The following HHIPL2 variants were observed in gnomAD, a reference collection of about 807,000 sequenced individuals.
HHIPL2 encodes the protein HHIP-like protein 2.
A neutral mutation model predicts 61.0 loss-of-function variants in HHIPL2; 61 were observed. The ratio of observed to expected loss-of-function variants is 1.00; its 90% CI spans 0.81 to 1.24. The LOEUF is 1.24. Among genes scored for constraint, HHIPL2 ranks in the 50% most tolerant of loss-of-function variants. HHIPL2 has a pLI of 0.00. For synonymous variants in HHIPL2, 343 were observed against 357.4 expected (o/e 0.96, Z 0.45); for missense variants, 885 against 910.2 (o/e 0.97, Z 0.36).
intron 5 of HHIPL2, among the ~76,000 whole-genome samples, chr1:222,536,868 A>T (rs1659310762): frequency 6.6e-6 from 1 of 151,920 alleles, no homozygotes; most frequent in African/African-American, 2.4e-5. Flanking sequence ...TAGGCAACAT[A>T]GTAAGACTCC....
chr1:222,523,500 T>A (rs993717049), intron 8 of HHIPL2, 112 bp downstream of exon 8: 1 of 954,818 alleles, frequency 1.0e-6, no homozygotes, highest in African/African-American at 1.6e-5. Context: ...TAGACTTAGT[T>A]TCCCTCAGGG....
intron 7 of HHIPL2, among the ~76,000 whole-genome samples, chr1:222,525,540 C>A (rs1020740722): frequency 2.0e-5 from 3 of 152,164 alleles, no homozygotes; most frequent in African/African-American, 7.2e-5. Flanking sequence ...AGCTGGCCCC[C>A]CCAAGCCCTA....
At chr1:222,547,600 C>A in intron 1 of HHIPL2, 124 bp downstream of exon 1, 1 of 821,428 alleles carries the variant, frequency 1.2e-6, no homozygotes, top group South Asian at 1.7e-5. Flanking sequence ...GCCGGCAGCT[C>A]CAAGATGAGG....
intron 5 of HHIPL2, among the ~76,000 whole-genome samples, chr1:222,532,574 A>T (rs1187661554): frequency 1.3e-5 from 2 of 151,224 alleles, no homozygotes; most frequent in Admixed American, 1.3e-4. Flanking sequence ...AGATCATGCC[A>T]CTGCACACTC....
At chr1:222,528,499 C>T (rs138901558) in intron 6 of HHIPL2, among the ~76,000 whole-genome samples, 2 of 152,074 alleles carry the variant, frequency 1.3e-5, no homozygotes, top group Middle Eastern at 3.4e-3. Context: ...CCCAGCTATG[C>T]GGGAGGCTGA....
Position 222,544,106 on chromosome 1 carries a change from A to C in HHIPL2, c.405T>G (p.Asp135Glu). 6.2e-7 allele frequency: 1 copy of C among 1,614,118 alleles called. No homozygotes were observed. Among genetic ancestry groups the C allele is most frequent in the Non-Finnish European group, 8.5e-7 (1 of 1,180,034 alleles). Residue 135 changes from aspartate (D) to glutamate (E), a missense_variant, in exon 2 of 9, where the codon GAT becomes GAG. By Grantham distance (45) the Asp-to-Glu change is conservative. Transcript: ENST00000343410. ...PLRNLPGLCS[D>E]YCSAFHSNCH... ...AGTTAGAATGGAAGGCAGAGCAGTA[A>C]TCAGAGCAGAGGCCCGGGAGATTCC...
rs183925068 is a variant in HHIPL2, at chr1:222,542,665, G to A, written c.975-510C>T. On this transcript the variant is annotated intron_variant, in intron 2 of 8. Coordinates refer to ENST00000343410, the MANE Select transcript of HHIPL2 (RefSeq NM_024746.4). ...CCTGCCTCGGCCTCCTGAGTAGCTG[G>A]GACTACAGGCATGTGCCACCATGCC... Among the ~76,000 whole-genome samples, 14 of 151,920 alleles carry A rather than the reference G, an allele frequency of 9.2e-5. No individual in the cohort carries two copies. In the East Asian group the frequency reaches 2.7e-3, roughly 29 times the overall value.
Position 222,541,994 on chromosome 1 carries a change from G to A in HHIPL2, c.1118+18C>T, listed in dbSNP as rs534585825. On this transcript the variant is annotated intron_variant, in intron 3 of 8. Coordinates refer to ENST00000343410, the MANE Select transcript of HHIPL2 (RefSeq NM_024746.4). Reference sequence around the variant, plus strand: ...GCTCACTCTGAAGGGACAAGGGCCCGGCCCCCATCCAGCTTACTTGTTCTG... The same window carrying A: ...GCTCACTCTGAAGGGACAAGGGCCCAGCCCCCATCCAGCTTACTTGTTCTG... The A allele has an allele frequency of 6.1e-5, 97 of 1,589,756 alleles. No homozygotes were observed. The East Asian group carries it at 1.6e-3, about 26-fold the overall frequency.
intron 5 of HHIPL2, among the ~76,000 whole-genome samples, chr1:222,536,926 C>T (rs1057228195): frequency 1.3e-5 from 2 of 151,924 alleles, no homozygotes; most frequent in Non-Finnish European, 2.9e-5. Context: ...GTGCCACAAG[C>T]TACTGGGGAG....
intron 3 of HHIPL2, among the ~76,000 whole-genome samples, chr1:222,540,790 CTG>C (rs1659416072): frequency 6.6e-6 from 1 of 152,228 alleles, no homozygotes; most frequent in Admixed American, 6.5e-5. Context: ...CTGCCAATGA[CTG>C]TGGTCTCTGG....
In HHIPL2 at chr1:222,543,900, C is replaced by A; in HGVS notation, c.611G>T (p.Cys204Phe). Residue 204 changes from cysteine (C) to phenylalanine (F), a missense_variant, in exon 2 of 9, where the codon TGC becomes TTC. Physicochemically the swap from Cys to Phe is radical, Grantham distance 205. Coordinates refer to ENST00000343410, the MANE Select transcript of HHIPL2 (RefSeq NM_024746.4). ...CACCTCGCTCAGGCAGAGCTGCAGG[C>A]AGCCCTGAGGATCTTGGGCCACCAT... is the stretch of plus-strand genomic sequence containing the variant. ...LGMVAQDPQG[C>F]LQLCLSEVAN... The A allele has an allele frequency of 9.3e-6, 15 of 1,614,214 alleles. No homozygotes were observed. Among genetic ancestry groups the A allele is most frequent in the Middle Eastern group, 1.6e-4 (1 of 6,062 alleles).
At chr1:222,522,953 T>C in intron 8 of HHIPL2, 66 bp from the exon 9 acceptor site, 1 of 1,295,516 alleles carries the variant, frequency 7.7e-7, no homozygotes, top group Non-Finnish European at 1.1e-6. Flanking sequence ...GAGAAAACTA[T>C]AACTGCATTA....
At position 222,532,101 on chromosome 1, in the gene HHIPL2, C is replaced by G. The variant is rs201771052; in HGVS notation, c.1588G>C (p.Ala530Pro). The change falls in exon 6 of 9, where the codon GCT (alanine) becomes CCT (proline). Residue 530 changes from alanine to proline, a missense_variant. Transcript: ENST00000343410. ...TTGTTTTTTCTATCTTCCTGCAAAG[C>G]CATAAGTCGACTAGACAAAAAATAA... ...FGDFMSGRLMALQEDRKNKKW... is the reference protein window; with the variant it reads ...FGDFMSGRLMPLQEDRKNKKW... 8.7e-6 allele frequency: 14 copies of G among 1,612,712 alleles called. No homozygotes were observed. The East Asian group carries it at 2.7e-4, about 31-fold the overall frequency.
chr1:222,547,142 A>G (rs982076277), intron 1 of HHIPL2, among the ~76,000 whole-genome samples: 1 of 152,234 alleles, frequency 6.6e-6, no homozygotes, highest in Non-Finnish European at 1.5e-5. Flanking sequence ...AACCAGGAGA[A>G]GCAGAAACTC....
chr1:222,533,460 T>C (rs1012108948), intron 5 of HHIPL2, among the ~76,000 whole-genome samples: 2 of 151,984 alleles, frequency 1.3e-5, no homozygotes, highest in African/African-American at 4.8e-5. Context: ...GAGTGGAGGT[T>C]GTAGGGAGAA....
At chr1:222,542,606 C>T (rs1659456826) in intron 2 of HHIPL2, among the ~76,000 whole-genome samples, 1 of 141,694 alleles carries the variant, frequency 7.1e-6, no homozygotes, top group Non-Finnish European at 1.5e-5. Context: ...TCTTGGCTCA[C>T]TGCAACTTCT....
rs965659582 is a variant in HHIPL2 at position 222,529,294 on chromosome 1, T to C, written c.1724-2244A>G. ...TCCCCATGTAAGAGATCTGATGAAC[T>C]AGGGCACACCCTCCTTTAGAGTCAG... On this transcript the variant is annotated intron_variant, in intron 6 of 8. Transcript: ENST00000343410. Among the ~76,000 whole-genome samples, 6 of 152,312 alleles carry C rather than the reference T, an allele frequency of 3.9e-5. No individual in the cohort carries two copies. In the South Asian group the frequency reaches 1.0e-3, roughly 26 times the overall value.
At chr1:222,529,483 G>A (rs1346026938) in intron 6 of HHIPL2, among the ~76,000 whole-genome samples, 1 of 152,124 alleles carries the variant, frequency 6.6e-6, no homozygotes, top group African/African-American at 2.4e-5. Context: ...TGCCTATACT[G>A]GACTGCAGTT....
chr1:222,543,030 G>A (rs1659469432), intron 2 of HHIPL2, among the ~76,000 whole-genome samples: 2 of 152,196 alleles, frequency 1.3e-5, no homozygotes, highest in Non-Finnish European at 1.5e-5. Context: ...AAGAGAGAAA[G>A]GAGAAGAAGG....
Sources: gnomAD v4.1 joint callset for allele counts (sites outside exome capture counted in the v4.1 genomes callset) on GRCh38, gnomAD v4.1.1 for gene constraint, MANE v1.5 for transcripts, NCBI Gene and HGNC (gene_info 2026-07-23, HGNC 2026-07-21) for gene names.